PTPRN2: variants seen among roughly 807,000 people sequenced by gnomAD.
PTPRN2 encodes receptor-type tyrosine-protein phosphatase N2.
Under a neutral mutation model 118.8 loss-of-function variants are expected in PTPRN2, and 74 were observed. The ratio of observed to expected loss-of-function variants is 0.62; its 90% CI spans 0.52 to 0.76. The LOEUF is 0.76. Ranked by LOEUF, PTPRN2 falls within the 30% of genes least tolerant of loss-of-function variation. The probability of loss-of-function intolerance (pLI) is 0.00; values close to 1 mark genes in which losing one functional copy is unlikely to be tolerated. For missense variants in PTPRN2, 1,481 were observed against 1,394.4 expected (o/e 1.06, Z -0.99); for synonymous variants, 641 against 608.0 (o/e 1.05, Z -0.80).
At chr7:158,561,873 G>C (rs2129450963) in intron 1 of PTPRN2, among the ~76,000 whole-genome samples, 1 of 151,968 alleles carries the variant, frequency 6.6e-6, no homozygotes, top group East Asian at 1.9e-4. Context: ...ACTGCCCGTG[G>C]CCCTGGAACA....
chr7:158,312,075 A>G (rs1024303279), intron 3 of PTPRN2, among the ~76,000 whole-genome samples: 5 of 110,838 alleles, frequency 4.5e-5, no homozygotes, highest in African/African-American at 1.0e-4. Flanking sequence ...AGACACACAC[A>G]CGTGCACTCA....
rs537888394 is a variant in PTPRN2, at chr7:158,177,377, T to A, written c.550-10086A>T. 3.0e-4 allele frequency among the ~76,000 whole-genome samples: 45 copies of A among 152,320 alleles called. No homozygotes were observed. In the South Asian group the frequency reaches 8.3e-3, roughly 28 times the overall value. On this transcript the variant is annotated intron_variant, in intron 5 of 22. Transcript: ENST00000389418. Reference sequence around the variant, plus strand: ...CATTTGTATATCTTTTTATGAAGTATCCGTTCAAAGTTTTTATACATTTTT... The same window carrying A: ...CATTTGTATATCTTTTTATGAAGTAACCGTTCAAAGTTTTTATACATTTTT...
intron 13 of PTPRN2, among the ~76,000 whole-genome samples, chr7:157,661,001 G>A (rs1369691107): frequency 2.0e-5 from 3 of 152,198 alleles, no homozygotes; most frequent in Non-Finnish European, 4.4e-5. Flanking sequence ...TGATCCACCC[G>A]CCTTGGCCTC....
chr7:158,227,103 G>A (rs149245117), intron 3 of PTPRN2, among the ~76,000 whole-genome samples: 31 of 152,280 alleles, frequency 2.0e-4, no homozygotes, highest in East Asian at 1.2e-3. Context: ...TGCACTGTGC[G>A]TGGATAAATG....
intron 10 of PTPRN2, among the ~76,000 whole-genome samples, chr7:158,095,111 G>C (rs1312335042): frequency 6.6e-6 from 1 of 152,004 alleles, no homozygotes; most frequent in African/African-American, 2.4e-5. Context: ...CTTTCCTGCA[G>C]GAGGTGAGTC....
chr7:158,173,558 G>A (rs145591647), intron 5 of PTPRN2, among the ~76,000 whole-genome samples: 1 of 152,332 alleles, frequency 6.6e-6, no homozygotes, highest in East Asian at 1.9e-4. Context: ...GGCATGCATT[G>A]TCTTGATAAA....
intron 12 of PTPRN2, among the ~76,000 whole-genome samples, chr7:157,769,212 C>A (rs1802659269): frequency 6.6e-6 from 1 of 152,126 alleles, no homozygotes; most frequent in African/African-American, 2.4e-5. Flanking sequence ...TTGCCCGTGC[C>A]AAGCAAGGAC....
At chr7:157,768,294 C>T (rs955805531) in intron 12 of PTPRN2, among the ~76,000 whole-genome samples, 3 of 152,234 alleles carry the variant, frequency 2.0e-5, no homozygotes, top group Non-Finnish European at 4.4e-5. Context: ...GGATCGTCCT[C>T]TGCTCCTCCG....
Position 158,517,171 on chromosome 7 carries a change from T to C in PTPRN2, c.113-27386A>G, listed in dbSNP as rs112079291. 4.8e-4 allele frequency among the ~76,000 whole-genome samples: 73 copies of C among 152,336 alleles called. No individual in the cohort carries two copies. The highest frequency in any genetic ancestry group is 1.7e-3 in the African/African-American group (69 of 41,578). On this transcript the variant is annotated intron_variant, in intron 1 of 22. Transcript: ENST00000389418. This position sits in a 1 kb window ranked among gnomAD's most constrained non-coding sequence, Gnocchi z 5.3. The stretch of plus-strand genomic sequence containing the variant: ...GCTGGTTCCACAGTGTGGTCCTCAC[T>C]GAAGACAGGGCGGGTGGCATTGACC...
At chr7:158,304,612 A>AC (rs1454334695) in intron 3 of PTPRN2, among the ~76,000 whole-genome samples, 3 of 150,898 alleles carry the variant, frequency 2.0e-5, no homozygotes, top group Admixed American at 1.3e-4. Context: ...CTTGGTCCAG[A>AC]AAGATGGGAA....
At chr7:158,332,897 G>T (rs1410157424) in intron 2 of PTPRN2, among the ~76,000 whole-genome samples, 4 of 143,188 alleles carry the variant, frequency 2.8e-5, no homozygotes, top group Non-Finnish European at 5.9e-5. Context: ...ACCTGCAAAC[G>T]TCACTCACAC....
At chr7:158,253,431 C>T (rs1439314418) in intron 3 of PTPRN2, among the ~76,000 whole-genome samples, 2 of 152,220 alleles carry the variant, frequency 1.3e-5, no homozygotes, top group Non-Finnish European at 2.9e-5. Flanking sequence ...AAGGAGGAAG[C>T]ACTCAACAGA....
chr7:158,417,002 A>G (rs1814715690), intron 2 of PTPRN2, among the ~76,000 whole-genome samples: 1 of 152,012 alleles, frequency 6.6e-6, no homozygotes, highest in African/African-American at 2.4e-5. Flanking sequence ...TGCCACACAC[A>G]CTACATCGAG....
At chr7:158,406,889 T>C (rs1473101242) in intron 2 of PTPRN2, among the ~76,000 whole-genome samples, 1 of 152,202 alleles carries the variant, frequency 6.6e-6, no homozygotes, top group South Asian at 2.1e-4. Flanking sequence ...TCCAGGCAAA[T>C]TGCTTTATCT....
chr7:157,995,172 T>G (rs1481924714), intron 11 of PTPRN2, among the ~76,000 whole-genome samples: 1 of 149,044 alleles, frequency 6.7e-6, no homozygotes, highest in African/African-American at 2.5e-5. Context: ...CAACGCCACG[T>G]CCCCAGCTTA....
At chr7:157,782,560 C>G (rs897299202) in intron 12 of PTPRN2, among the ~76,000 whole-genome samples, 1 of 152,184 alleles carries the variant, frequency 6.6e-6, no homozygotes, top group South Asian at 2.1e-4. Flanking sequence ...ATAATCTTAA[C>G]AGAAACAGCA....
At chr7:157,723,350 C>T (rs1235912464) in intron 12 of PTPRN2, among the ~76,000 whole-genome samples, 2 of 152,190 alleles carry the variant, frequency 1.3e-5, no homozygotes, top group Non-Finnish European at 2.9e-5. Flanking sequence ...AATGCCTCCC[C>T]TGGTGTCCCC....
chr7:157,725,248 ATGCAGAGGAGTGAG>A (rs1799474892), intron 12 of PTPRN2, among the ~76,000 whole-genome samples: 1 of 140,618 alleles, frequency 7.1e-6, no homozygotes, highest in African/African-American at 2.9e-5. Flanking sequence ...GGATATCCAC[ATGCAGAGGAGTGAG>A]CCAGACCCTG....
chr7:158,485,342 C>CT (rs1820931262), intron 2 of PTPRN2, among the ~76,000 whole-genome samples: 1 of 145,540 alleles, frequency 6.9e-6, no homozygotes, highest in Non-Finnish European at 1.5e-5. Context: ...CTCGGCCACC[C>CT]CTCTGCGCCC....
Sources: allele counts gnomAD v4.1 joint callset (sites outside exome capture counted in the v4.1 genomes callset), GRCh38; gene constraint gnomAD v4.1.1; non-coding constraint Gnocchi (gnomAD v3.1); transcripts MANE v1.5; gene names NCBI Gene and HGNC (gene_info 2026-07-23, HGNC 2026-07-21).